The following SLC24A4 variants were observed in gnomAD, a reference collection of about 807,000 sequenced individuals.
The protein encoded by SLC24A4 is sodium/potassium/calcium exchanger 4.
In SLC24A4, 53 loss-of-function variants were observed where a neutral mutation model predicts 79.0. The observed-to-expected ratio is 0.67, with a 90% confidence interval of 0.54 to 0.84. SLC24A4 has a LOEUF of 0.84. SLC24A4 is among the 40% of genes least tolerant of loss of function. The pLI is 0.00. For missense variants in SLC24A4, 731 were observed against 822.0 expected, an observed-to-expected ratio of 0.89 and a Z score of 1.35; for synonymous variants, 323 against 323.8, an observed-to-expected ratio of 1.00 and a Z score of 0.03.
At chr14:92,469,995 C>T (rs1255251415) in intron 12 of SLC24A4, among the ~76,000 whole-genome samples, 1 of 152,212 alleles carries the variant, frequency 6.6e-6, no homozygotes, top group African/African-American at 2.4e-5. Flanking sequence ...GTCATAGTTA[C>T]ACAACTTTCA....
intron 3 of SLC24A4, among the ~76,000 whole-genome samples, chr14:92,438,130 A>G (rs1892277713): frequency 6.6e-6 from 1 of 152,084 alleles, no homozygotes; most frequent in Non-Finnish European, 1.5e-5. Flanking sequence ...GTCCCACAAG[A>G]CTGCTTCTTT....
At chr14:92,457,189 A>T (rs1056173030) in intron 12 of SLC24A4, 2 of 157,168 alleles carry the variant, frequency 1.3e-5, no homozygotes, top group Non-Finnish European at 2.8e-5. Flanking sequence ...GCCCCATGTC[A>T]TCTGACTGCC....
chr14:92,463,709 C>G (rs1388318239), intron 12 of SLC24A4, among the ~76,000 whole-genome samples: 1 of 152,154 alleles, frequency 6.6e-6, no homozygotes, highest in African/African-American at 2.4e-5. Context: ...AATTCAGTGG[C>G]TTTTAATATA....
rs763120859 is a variant in SLC24A4 at position 92,482,873 on chromosome 14, T to C, written c.1422+27T>C. The C allele has an allele frequency of 3.8e-6, 6 of 1,592,648 alleles. No individual in the cohort carries two copies. The African/African-American group carries it at 6.7e-5, about 18-fold the overall frequency. On this transcript the variant is annotated intron_variant, in intron 13 of 16. Transcript: ENST00000532405. ...TGAGTGGGGGGAGCAGGGGGTGGAC[T>C]GTGTGCACAGCCAGGGAGAGGTGGA...
intron 2 of SLC24A4, among the ~76,000 whole-genome samples, chr14:92,430,036 C>T (rs753873376): frequency 1.3e-4 from 20 of 152,248 alleles, no homozygotes; most frequent in Non-Finnish European, 2.2e-4. Context: ...ACGTCCGTGA[C>T]GCTCTGTGCC....
intron 2 of SLC24A4, among the ~76,000 whole-genome samples, chr14:92,388,760 C>T (rs1315442688): frequency 6.6e-6 from 1 of 152,184 alleles, no homozygotes; most frequent in African/African-American, 2.4e-5. Context: ...CTTGCTTTAT[C>T]AACCCTGAGG....
At chr14:92,339,993 G>A (rs1022827490) in intron 2 of SLC24A4, among the ~76,000 whole-genome samples, 1 of 152,204 alleles carries the variant, frequency 6.6e-6, no homozygotes, top group Admixed American at 6.5e-5. Flanking sequence ...GATGCTAGAG[G>A]TGCAAGATGG....
intron 2 of SLC24A4, among the ~76,000 whole-genome samples, chr14:92,422,696 G>A (rs557353173): frequency 1.6e-4 from 24 of 152,332 alleles, no homozygotes; most frequent in Admixed American, 6.5e-4. Flanking sequence ...AAAGAAATGG[G>A]TTCCCTTAAT....
At chr14:92,393,475 G>T (rs990067736) in intron 2 of SLC24A4, among the ~76,000 whole-genome samples, 1 of 151,768 alleles carries the variant, frequency 6.6e-6, no homozygotes, top group South Asian at 2.1e-4. Context: ...GATGGCGGCC[G>T]CCTGAACAGG....
chr14:92,350,812 A>G (rs1886818089), intron 2 of SLC24A4, among the ~76,000 whole-genome samples: 1 of 152,180 alleles, frequency 6.6e-6, no homozygotes. Flanking sequence ...GTGTTCCCCC[A>G]AAATTCATAT....
At chr14:92,454,236 A>G (rs1407114420) in intron 11 of SLC24A4, among the ~76,000 whole-genome samples, 167 bp downstream of exon 11, 4 of 152,252 alleles carry the variant, frequency 2.6e-5, no homozygotes, top group Non-Finnish European at 5.9e-5. Flanking sequence ...TATCCTTTGA[A>G]GAGATATTTT....
chr14:92,405,310 G>A (rs1398835299), intron 2 of SLC24A4, among the ~76,000 whole-genome samples: 6 of 152,194 alleles, frequency 3.9e-5, no homozygotes, highest in Admixed American at 3.3e-4. Flanking sequence ...GGAGCTGTTT[G>A]TGTTTGTAAA....
chr14:92,364,094 C>T (rs1566715809), intron 2 of SLC24A4, among the ~76,000 whole-genome samples: 1 of 152,212 alleles, frequency 6.6e-6, no homozygotes, highest in South Asian at 2.1e-4. Flanking sequence ...GCATTCCCCC[C>T]ACTCTCAGGC....
chr14:92,459,716 G>T (rs915172980), intron 12 of SLC24A4, among the ~76,000 whole-genome samples: 4 of 152,166 alleles, frequency 2.6e-5, no homozygotes, highest in Admixed American at 2.6e-4. Flanking sequence ...TGAGGAGCAG[G>T]CGGTGGGAAC....
intron 2 of SLC24A4, among the ~76,000 whole-genome samples, chr14:92,430,142 C>T (rs1269359993): frequency 1.3e-5 from 2 of 152,230 alleles, no homozygotes; most frequent in African/African-American, 4.8e-5. Context: ...TAACCTTCCA[C>T]CTTCTGAGTA....
At chr14:92,440,009 G>A (rs1892401816) in intron 4 of SLC24A4, among the ~76,000 whole-genome samples, 1 of 152,242 alleles carries the variant, frequency 6.6e-6, no homozygotes, top group Non-Finnish European at 1.5e-5. Context: ...CCTCCTGTGT[G>A]TGGAGTGCCC....
intron 2 of SLC24A4, among the ~76,000 whole-genome samples, chr14:92,344,600 ATCT>A (rs1566701071): frequency 6.6e-6 from 1 of 152,294 alleles, no homozygotes; most frequent in East Asian, 1.9e-4. Flanking sequence ...TATGACTCCA[ATCT>A]TAGGACCGAG....
intron 2 of SLC24A4, among the ~76,000 whole-genome samples, chr14:92,378,707 G>T (rs746196298): frequency 2.6e-5 from 4 of 152,170 alleles, no homozygotes; most frequent in Admixed American, 2.0e-4. Flanking sequence ...TTCAATCAAT[G>T]TATTAAAGTT....
intron 9 of SLC24A4, among the ~76,000 whole-genome samples, chr14:92,448,020 A>G (rs1342798120): frequency 6.6e-6 from 1 of 152,208 alleles, no homozygotes; most frequent in African/African-American, 2.4e-5. Context: ...AGTCTACCAC[A>G]TGGATGAACC....
Sources: allele counts gnomAD v4.1 joint callset (sites outside exome capture counted in the v4.1 genomes callset), GRCh38; gene constraint gnomAD v4.1.1; transcripts MANE v1.5; gene names NCBI Gene and HGNC (gene_info 2026-07-23, HGNC 2026-07-21).